The following APOM variants were observed in gnomAD, a reference collection of about 807,000 sequenced individuals.
The protein encoded by APOM is apolipoprotein M.
Under a neutral mutation model 23.5 loss-of-function variants are expected in APOM, and 24 were observed. The ratio of observed to expected loss-of-function variants is 1.02; its 90% confidence interval spans 0.74 to 1.44. The LOEUF is 1.44. APOM is among the 40% of genes most tolerant of loss of function. The pLI, the probability that APOM is intolerant of heterozygous loss-of-function variation, is 0.00. For missense variants in APOM, 200 were observed against 233.2 expected (o/e 0.86, Z 0.93); for synonymous variants, 82 against 84.1 (o/e 0.97, Z 0.14).
chr6:31,657,145 CAAAA>C (rs377060558), intron 2 of APOM, 76 bp from the exon 3 acceptor site: 22 of 1,183,808 alleles, frequency 1.9e-5, no homozygotes, highest in South Asian at 2.7e-5. Flanking sequence ...GACTCTGTCT[CAAAA>C]AAAAAAAAAA....
At chr6:31,655,085 G>C (rs1799898460), upstream of APOM, among the ~76,000 whole-genome samples, 1 of 152,162 alleles carries the variant, frequency 6.6e-6, no homozygotes, top group African/African-American at 2.4e-5. Context: ...GGGACTACAG[G>C]CGTGTGCCAC....
upstream of APOM, among the ~76,000 whole-genome samples, chr6:31,652,956 A>G (rs1217098669): frequency 6.6e-6 from 1 of 151,646 alleles, no homozygotes; most frequent in African/African-American, 2.4e-5. Context: ...TCTCCACCCT[A>G]TTGCCCTCGC....
Position 31,656,600 on chromosome 6 carries a change from G to T in APOM, c.243G>T (p.Gln81His). Reference sequence around the variant, plus strand: ...TGGCTGCTGGCTCTGCCCCGATGCAGCTCCACCTTCGTGCTACCATCCGCA... The same window carrying T: ...TGGCTGCTGGCTCTGCCCCGATGCATCTCCACCTTCGTGCTACCATCCGCA... Reference protein sequence around the residue: ...FNMAAGSAPMQLHLRATIRMK... With the variant: ...FNMAAGSAPMHLHLRATIRMK... Residue 81 changes from glutamine (Q) to histidine (H), a missense_variant, in exon 2 of 6, where the codon CAG becomes CAT. Coordinates refer to ENST00000375916, the MANE Select transcript of APOM (RefSeq NM_019101.3). The T allele has an allele frequency of 6.2e-7, 1 of 1,614,080 alleles. No individual in the cohort carries two copies. The highest frequency in any genetic ancestry group is 8.5e-7 in the Non-Finnish European group (1 of 1,180,022).
chr6:31,658,177 A>G lies in APOM; in HGVS notation c.*88A>G. 1 of 1,427,030 alleles carries G rather than the reference A, an allele frequency of 7.0e-7. No homozygotes were observed. The highest frequency in any genetic ancestry group is 9.9e-7 in the Non-Finnish European group (1 of 1,011,016). The allele number at this position is 1,427,030 out of a possible 1,614,324, so 88.4% of individuals were successfully genotyped here. ...CTGGAGACTTCCAGCTCCAGCTCCC[A>G]CTCAAGATAATAAAGATAATTTTTC... On this transcript the variant is annotated 3_prime_UTR_variant, in exon 6 of 6. Coordinates refer to ENST00000375916, the MANE Select transcript of APOM (RefSeq NM_019101.3).
At chr6:31,653,447 A>C (rs951964653), upstream of APOM, among the ~76,000 whole-genome samples, 1 of 152,194 alleles carries the variant, frequency 6.6e-6, no homozygotes, top group African/African-American at 2.4e-5. Flanking sequence ...GTTTATACCC[A>C]GGTCCTGGTT....
At chr6:31,652,561 T>G (rs1173722269), upstream of APOM, 1 of 152,322 alleles carries the variant, frequency 6.6e-6, no homozygotes, top group Non-Finnish European at 1.5e-5. Flanking sequence ...AGTGAGTTTC[T>G]GAGGGCGAGT....
chr6:31,655,086 C>T (rs1042906485), upstream of APOM, among the ~76,000 whole-genome samples: 3 of 152,176 alleles, frequency 2.0e-5, no homozygotes, highest in African/African-American at 4.8e-5. Flanking sequence ...GGACTACAGG[C>T]GTGTGCCACC....
At chr6:31,656,181 A>T in intron 1 of APOM, 101 bp downstream of exon 1, 1 of 946,744 alleles carries the variant, frequency 1.1e-6, no homozygotes, top group African/African-American at 1.6e-5. Context: ...GAAGAGAGGA[A>T]GGGGGTGTGA....
Position 31,657,667 on chromosome 6 carries a change from A to T in APOM, c.485A>T (p.Lys162Met). Reference protein sequence around the residue: ...HPPEKCVEEFKSLTSCLDSKA... With the variant: ...HPPEKCVEEFMSLTSCLDSKA... ...CCCGAAAAGTGTGTGGAGGAATTCAAGTCCCTGACTTCCTGCCTGGACTCC... is the reference window on the plus strand; with the variant it reads ...CCCGAAAAGTGTGTGGAGGAATTCATGTCCCTGACTTCCTGCCTGGACTCC... Residue 162 changes from lysine to methionine, a missense_variant, in exon 5 of 6, where the codon AAG becomes ATG. Coordinates refer to ENST00000375916, the MANE Select transcript of APOM (RefSeq NM_019101.3). 6.2e-7 allele frequency: 1 copy of T among 1,613,224 alleles called. No homozygotes were observed. Among genetic ancestry groups the T allele is most frequent in the Non-Finnish European group, 8.5e-7 (1 of 1,180,030 alleles).
intron 5 of APOM, 124 bp from the exon 6 acceptor site, chr6:31,657,940 C>T (rs927686867): frequency 9.1e-7 from 1 of 1,097,716 alleles, no homozygotes; most frequent in Non-Finnish European, 1.4e-6. Context: ...GGGAAAAGAG[C>T]CTTAGAGACT....
intron 5 of APOM, 84 bp from the exon 6 acceptor site, chr6:31,657,980 G>A (rs2151147580): frequency 7.9e-6 from 11 of 1,394,424 alleles, no homozygotes; most frequent in South Asian, 3.5e-5. Flanking sequence ...GAAAGAACAC[G>A]TTCTCCCCCA....
chr6:31,656,582 T>A lies in APOM; in HGVS notation c.225T>A (p.Ala75=). Residue 75 remains alanine, a synonymous_variant, in exon 2 of 6, where the codon GCT becomes GCA. Coordinates refer to ENST00000375916, the MANE Select transcript of APOM (RefSeq NM_019101.3). ...PVDNIVFNMA[A]GSAPMQLHLR... ...ACAACATTGTCTTCAATATGGCTGC[T>A]GGCTCTGCCCCGATGCAGCTCCACC... 1.2e-6 allele frequency: 2 copies of A among 1,614,208 alleles called. No homozygotes were observed. Among genetic ancestry groups the A allele is most frequent in the Non-Finnish European group, 1.7e-6 (2 of 1,180,044 alleles).
chr6:31,653,791 C>T (rs7452332), upstream of APOM, among the ~76,000 whole-genome samples: 3 of 152,246 alleles, frequency 2.0e-5, no homozygotes, highest in Middle Eastern at 0.01. Context: ...AACCGATCTT[C>T]CCACCTCAGC....
chr6:31,656,692 A>G, intron 2 of APOM, 66 bp downstream of exon 2: 1 of 1,567,916 alleles, frequency 6.4e-7, no homozygotes, highest in Admixed American at 1.8e-5. Flanking sequence ...GAATCCACCC[A>G]CCAAGAGCTG....
intron 5 of APOM, 85 bp downstream of exon 5, chr6:31,657,808 AC>A: frequency 7.9e-7 from 1 of 1,267,186 alleles, no homozygotes; most frequent in African/African-American, 1.5e-5. Context: ...GTGTGATGTC[AC>A]CAGAGGGATG....
intron 1 of APOM, 120 bp from the exon 2 acceptor site, chr6:31,656,352 T>G: frequency 1.8e-6 from 2 of 1,113,524 alleles, no homozygotes; most frequent in South Asian, 3.0e-5. Context: ...AATCCCCAGT[T>G]GGAAAGAGGA....
intron 5 of APOM, 165 bp from the exon 6 acceptor site, chr6:31,657,899 T>C: frequency 2.1e-6 from 2 of 956,098 alleles, no homozygotes; most frequent in African/African-American, 3.3e-5. Flanking sequence ...GAGTTTGCAC[T>C]GGATAAAGGG....
At position 31,657,231 on chromosome 6, in the gene APOM, T is replaced by C. The variant is rs34490746; in HGVS notation, c.276T>C (p.Asp92=). Residue 92 remains aspartate (D), a synonymous_variant, in exon 3 of 6, where the codon GAT becomes GAC. Coordinates refer to ENST00000375916, the MANE Select transcript of APOM (RefSeq NM_019101.3). ...GCCACCACCACCTCTGCAGGAAAGA[T>C]GGGCTCTGTGTGCCCCGGAAATGGA... ...LHLRATIRMK[D]GLCVPRKWIY... is the part of the protein sequence containing the mutation. 5.5e-4 allele frequency: 887 copies of C among 1,612,836 alleles called. 11 individuals carry two copies. In the African/African-American group the frequency reaches 9.8e-3, roughly 18 times the overall value.
At chr6:31,657,905 A>T in intron 5 of APOM, 159 bp from the exon 6 acceptor site, 1 of 962,480 alleles carries the variant, frequency 1.0e-6, no homozygotes, top group Non-Finnish European at 1.6e-6. Flanking sequence ...GCACTGGATA[A>T]AGGGGGCAGA....
Sources: allele counts gnomAD v4.1 joint callset (sites outside exome capture counted in the v4.1 genomes callset), GRCh38; gene constraint gnomAD v4.1.1; transcripts MANE v1.5; gene names NCBI Gene and HGNC (gene_info 2026-07-23, HGNC 2026-07-21).